Variants in FAT4 observed in about 807,000 individuals in gnomAD.
FAT4 encodes the protein FAT atypical cadherin 4.
A neutral mutation model predicts 303.9 loss-of-function variants in FAT4; 84 were observed. The observed-to-expected ratio is 0.28, with a 90% CI of 0.23 to 0.33. FAT4 has a LOEUF of 0.33. FAT4 is among the 10% of genes least tolerant of loss of function. The pLI, the probability that FAT4 is intolerant of heterozygous loss-of-function variation, is 1.00. For missense variants in FAT4, 6,005 were observed against 6,146.8 expected (o/e 0.98, Z 0.77); for synonymous variants, 2,307 against 2,298.8 (o/e 1.00, Z -0.10).
Position 125,425,933 on chromosome 4 carries a change from A to G in FAT4, c.7019-8312A>G, listed in dbSNP as rs1230526846. The stretch of plus-strand genomic sequence containing the variant: ...TCTAATTAAGGGCATTTATCATCCA[A>G]CTGAAAGGGAATATATTTCATTCTT... On this transcript the variant is annotated intron_variant, in intron 7 of 17. Coordinates refer to ENST00000394329, the MANE Select transcript of FAT4 (RefSeq NM_001291303.3). 5.3e-5 allele frequency among the ~76,000 whole-genome samples: 8 copies of G among 152,222 alleles called. No individual in the cohort carries two copies. The East Asian group carries it at 1.4e-3, about 26-fold the overall frequency.
chr4:125,449,578 A>G lies in FAT4; in HGVS notation c.8568A>G (p.Val2856=), dbSNP rs1448308232. 3.7e-6 allele frequency: 6 copies of G among 1,613,634 alleles called. No homozygotes were observed. The highest frequency in any genetic ancestry group is 5.1e-6 in the Non-Finnish European group (6 of 1,179,760). The change falls in exon 10 of 18, where the codon GTA becomes GTG. Residue 2856 remains valine (V), a synonymous_variant. Transcript: ENST00000394329. The stretch of plus-strand genomic sequence containing the variant: ...CCGCACATGATTCTGGGTGGACTGT[A>G]AGTACAGATGTCACAATATTTGTGA... ...RVSAHDSGWT[V]STDVTIFVTD...
At chr4:125,470,195 C>G (rs900172662) in intron 12 of FAT4, among the ~76,000 whole-genome samples, 1 of 152,166 alleles carries the variant, frequency 6.6e-6, no homozygotes, top group Non-Finnish European at 1.5e-5. Flanking sequence ...ATTCAATAAA[C>G]CATGCTGTAA....
chr4:125,477,448 T>A (rs947885360), intron 14 of FAT4, 114 bp downstream of exon 14: 34 of 961,292 alleles, frequency 3.5e-5, no homozygotes, highest in Admixed American at 2.4e-4. Flanking sequence ...TACCAAATGA[T>A]TTACATTGTT....
intron 2 of FAT4, among the ~76,000 whole-genome samples, chr4:125,390,306 C>T (rs1209425132): frequency 6.6e-6 from 1 of 152,072 alleles, no homozygotes; most frequent in Non-Finnish European, 1.5e-5. Context: ...GAGTTGTCTC[C>T]CAGCACTGAG....
At position 125,481,702 on chromosome 4, in the gene FAT4, C is replaced by T. The variant is rs906459319; in HGVS notation, c.12786C>T (p.Ile4262=). ...CCAGAAGCGAGAATGGCGTTTTAAT[C>T]CATATCCAAGAAAGCAGCAATTACA... ...FRTRSENGVL[I]HIQESSNYTT... Residue 4262 remains isoleucine, a synonymous_variant, in exon 16 of 18, where the codon ATC becomes ATT. Transcript: ENST00000394329. 6.2e-7 allele frequency: 1 copy of T among 1,613,950 alleles called. No homozygotes were observed. Among genetic ancestry groups the T allele is most frequent in the Non-Finnish European group, 8.5e-7 (1 of 1,179,882 alleles).
rs1214847561 is a variant in FAT4, at chr4:125,491,938, A to G, written c.*170A>G. 2 of 622,068 alleles carry G rather than the reference A, an allele frequency of 3.2e-6. No homozygotes were observed. The allele number at this position is 622,068 out of a possible 1,614,324, so 38.5% of individuals were successfully genotyped here. On this transcript the variant is annotated 3_prime_UTR_variant, in exon 18 of 18. Coordinates refer to ENST00000394329, the MANE Select transcript of FAT4 (RefSeq NM_001291303.3). ...ATGCTGCTGAAACAGACTCACAACA[A>G]CTCTTAATTTAAACATGTGTGGTTG...
At chr4:125,371,814 G>A (rs938873806) in intron 2 of FAT4, among the ~76,000 whole-genome samples, 2 of 151,976 alleles carry the variant, frequency 1.3e-5, no homozygotes, top group African/African-American at 4.8e-5. Flanking sequence ...GAGAATGATA[G>A]CAGTATATGG....
At position 125,449,257 on chromosome 4, in the gene FAT4, C is replaced by T; in HGVS notation, c.8247C>T (p.Asp2749=). The part of the protein sequence containing the change: ...SHYVLTIKSS[D]KGSPSQSTSV... ...ATGTCCTAACCATAAAATCATCAGA[C>T]AAAGGGTCCCCGTCTCAGAGTACTT... The change falls in exon 10 of 18, where the codon GAC becomes GAT. Residue 2749 remains aspartate, a synonymous_variant. Transcript: ENST00000394329. 6.2e-7 allele frequency: 1 copy of T among 1,613,938 alleles called. No homozygotes were observed. The highest frequency in any genetic ancestry group is 8.5e-7 in the Non-Finnish European group (1 of 1,179,898).
chr4:125,405,048 T>C (rs1474264353), intron 3 of FAT4, among the ~76,000 whole-genome samples: 1 of 151,918 alleles, frequency 6.6e-6, no homozygotes. Context: ...TGATTTAGCA[T>C]CCCTAATCTG....
In FAT4 at chr4:125,448,885, T is replaced by C. The variant is rs1191869253; in HGVS notation, c.7875T>C (p.Ile2625=). The change falls in exon 10 of 18, where the codon ATT becomes ATC. Residue 2625 remains isoleucine, a synonymous_variant. Transcript: ENST00000394329. The part of the protein sequence containing the change: ...QIDQLTGQVS[I]SQPLDFEKIQ... Reference sequence around the variant, plus strand: ...ATCAGTTAACAGGGCAGGTGTCTATTAGTCAACCTCTGGATTTTGAAAAGA... The same window carrying C: ...ATCAGTTAACAGGGCAGGTGTCTATCAGTCAACCTCTGGATTTTGAAAAGA... 2 of 1,609,956 alleles carry C rather than the reference T, an allele frequency of 1.2e-6. No individual in the cohort carries two copies. Among genetic ancestry groups the C allele is most frequent in the African/African-American group, 1.3e-5 (1 of 74,984 alleles).
chr4:125,381,051 A>C (rs1733521367), intron 2 of FAT4, among the ~76,000 whole-genome samples: 1 of 152,156 alleles, frequency 6.6e-6, no homozygotes, highest in Non-Finnish European at 1.5e-5. Context: ...GTTAGTAGTC[A>C]AGTAGTTTCT....
rs1277663930 is a variant in FAT4 at position 125,316,664 on chromosome 4, A to T, written c.253A>T (p.Ser85Cys). The T allele has an allele frequency of 1.2e-6, 2 of 1,613,592 alleles. No individual in the cohort carries two copies. The highest frequency in any genetic ancestry group is 1.7e-6 in the Non-Finnish European group (2 of 1,180,040). ...AAGCCACGCCCTGTTTGCCATAAAC[A>T]GTAGCACCGGAGCCCTGTACACCAC... ...SESHALFAIN[S>C]STGALYTTST... is the part of the protein sequence containing the mutation. The change falls in exon 2 of 18, where the codon AGT becomes TGT. Residue 85 changes from serine to cysteine, a missense_variant. Ser to Cys is a moderately radical substitution (Grantham distance 112). Coordinates refer to ENST00000394329, the MANE Select transcript of FAT4 (RefSeq NM_001291303.3). This position sits in a 1 kb window ranked among gnomAD's most constrained non-coding sequence, Gnocchi z 5.7.
chr4:125,475,774 AGT>A (rs1347876298), intron 12 of FAT4, among the ~76,000 whole-genome samples: 1 of 152,118 alleles, frequency 6.6e-6, no homozygotes, highest in African/African-American at 2.4e-5. Flanking sequence ...TCAAAAATTA[AGT>A]GTCTTTTGTT....
intron 2 of FAT4, among the ~76,000 whole-genome samples, chr4:125,376,850 A>G (rs1167356134): frequency 6.6e-6 from 1 of 152,132 alleles, no homozygotes. Flanking sequence ...ATGCCATTGC[A>G]CTCCAGCCTG....
rs778949997 is a variant in FAT4 at position 125,434,225 on chromosome 4, T to C, written c.7019-20T>C. ...TTTTTTGTTTATAAACATTGAGACT[T>C]GATTTTCTTTTCTTTTTAGGATCCC... On this transcript the variant is annotated intron_variant, in intron 7 of 17. Coordinates refer to ENST00000394329, the MANE Select transcript of FAT4 (RefSeq NM_001291303.3). 1 of 1,603,234 alleles carries C rather than the reference T, an allele frequency of 6.2e-7. No homozygotes were observed. The highest frequency in any genetic ancestry group is 8.5e-7 in the Non-Finnish European group (1 of 1,173,806).
Position 125,319,667 on chromosome 4 carries a change from G to T in FAT4, c.3256G>T (p.Val1086Phe). ...AVEPLSATVN[V>F]TVILEDVNDN... ...GGAACCCCTTAGTGCTACTGTGAAT[G>T]TTACTGTAATTTTAGAAGATGTAAA... Residue 1086 changes from valine to phenylalanine, a missense_variant, in exon 2 of 18, where the codon GTT becomes TTT. Coordinates refer to ENST00000394329, the MANE Select transcript of FAT4 (RefSeq NM_001291303.3). 6.2e-7 allele frequency: 1 copy of T among 1,614,018 alleles called. No homozygotes were observed. The highest frequency in any genetic ancestry group is 8.5e-7 in the Non-Finnish European group (1 of 1,179,908).
chr4:125,487,497 A>G lies in FAT4; in HGVS notation c.12975A>G (p.Ile4325Met), dbSNP rs1467662071. The G allele has an allele frequency of 6.2e-7, 1 of 1,614,130 alleles. No homozygotes were observed. The highest frequency in any genetic ancestry group is 1.1e-5 in the South Asian group (1 of 91,080). Residue 4325 changes from isoleucine (I) to methionine (M), a missense_variant, in exon 17 of 18, where the codon ATA becomes ATG. Coordinates refer to ENST00000394329, the MANE Select transcript of FAT4 (RefSeq NM_001291303.3). ...CAACAGTATTGTCTGTTGACAGAATATATAACAGAGATATTATCCACCCTA... is the reference window on the plus strand; with the variant it reads ...CAACAGTATTGTCTGTTGACAGAATGTATAACAGAGATATTATCCACCCTA... ...GTATVLSVDRIYNRDIIHPTQ... is the reference protein window; with the variant it reads ...GTATVLSVDRMYNRDIIHPTQ...
In FAT4 at chr4:125,490,638, C is replaced by T. The variant is rs868763218; in HGVS notation, c.13822C>T (p.Pro4608Ser). ...TDIPHNSETI[P>S]SAPLASPEQE... is the part of the protein sequence containing the mutation. Reference sequence around the variant, plus strand: ...TATTCCTCACAACTCAGAAACCATCCCCAGCGCCCCTTTGGCATCTCCAGA... The same window carrying T: ...TATTCCTCACAACTCAGAAACCATCTCCAGCGCCCCTTTGGCATCTCCAGA... Residue 4608 changes from proline to serine, a missense_variant, in exon 18 of 18, where the codon CCC becomes TCC. Physicochemically the swap from Pro to Ser is moderately conservative, Grantham distance 74 (BLOSUM62 -1). Transcript: ENST00000394329. 2 of 1,613,970 alleles carry T rather than the reference C, an allele frequency of 1.2e-6. No homozygotes were observed. The highest frequency in any genetic ancestry group is 1.7e-6 in the Non-Finnish European group (2 of 1,180,036).
chr4:125,428,074 G>A (rs1201555042), intron 7 of FAT4, among the ~76,000 whole-genome samples: 3 of 152,050 alleles, frequency 2.0e-5, no homozygotes, highest in Admixed American at 6.6e-5. Context: ...TGAGGCAGGA[G>A]ATCACTTGAG....
Sources: gnomAD v4.1 joint callset for allele counts (sites outside exome capture counted in the v4.1 genomes callset) on GRCh38, gnomAD v4.1.1 for gene constraint, Gnocchi (gnomAD v3.1) non-coding constraint, MANE v1.5 for transcripts, NCBI Gene and HGNC (gene_info 2026-07-23, HGNC 2026-07-21) for gene names.